FAM83F: variants seen among roughly 807,000 people sequenced by gnomAD.
FAM83F encodes protein FAM83F.
A neutral mutation model predicts 42.9 loss-of-function variants in FAM83F; 45 were observed. That is an observed-to-expected ratio of 1.05 (90% CI 0.83 to 1.35). The LOEUF is 1.35. FAM83F is among the 40% of genes most tolerant of loss of function. The pLI is 0.00. For synonymous variants in FAM83F, 306 were observed against 298.3 expected (o/e 1.03, Z -0.27); for missense variants, 617 against 695.9 (o/e 0.89, Z 1.28).
At chr22:40,029,008 A>AG (rs1189218920) in intron 4 of FAM83F, among the ~76,000 whole-genome samples, 2 of 150,810 alleles carry the variant, frequency 1.3e-5, no homozygotes, top group African/African-American at 4.9e-5. Context: ...ACCAGAGAGA[A>AG]GGACCGCAGT....
Position 40,039,159 on chromosome 22 carries a change from T to C in FAM83F, c.*9594T>C, listed in dbSNP as rs1449344445. ...TCTCCCTTTGTTGCCCAGGCTTGAG[T>C]GCAGTGGCGCGATCTCAGCTCACTG... On this transcript the variant is annotated 3_prime_UTR_variant, in exon 5 of 5. Coordinates refer to ENST00000333407, the MANE Select transcript of FAM83F (RefSeq NM_138435.4). The C allele has an allele frequency of 1.3e-5, 2 of 152,214 alleles. No individual in the cohort carries two copies. The highest frequency in any genetic ancestry group is 4.8e-5 in the African/African-American group (2 of 41,426). 9.4% of individuals were successfully genotyped at this position (152,214 alleles called of 1,614,324 possible).
intron 1 of FAM83F, among the ~76,000 whole-genome samples, chr22:40,012,557 G>A (rs1417210631): frequency 6.6e-6 from 1 of 150,734 alleles, no homozygotes; most frequent in Non-Finnish European, 1.5e-5. Context: ...ATCACTTGAG[G>A]TCAGGAGTTT....
chr22:40,003,893 G>A (rs180917379), intron 1 of FAM83F, among the ~76,000 whole-genome samples: 19 of 152,266 alleles, frequency 1.2e-4, no homozygotes, highest in South Asian at 8.3e-4. Flanking sequence ...CTCCGGATAA[G>A]TGTTATTTTA....
chr22:40,005,758 G>C (rs752761638), intron 1 of FAM83F, among the ~76,000 whole-genome samples: 2 of 152,244 alleles, frequency 1.3e-5, no homozygotes, highest in Non-Finnish European at 2.9e-5. Flanking sequence ...GGGAGAGGAA[G>C]CGGCCTGGCT....
rs1053363927 is a variant in FAM83F at position 40,036,542 on chromosome 22, A to G, written c.*6977A>G. ...AGTTTGTTTGGAGAATCTTTTGTAT[A>G]CAAAATACAAATAAAACCTAAATCA... On this transcript the variant is annotated 3_prime_UTR_variant, in exon 5 of 5. Transcript: ENST00000333407. The G allele has an allele frequency of 2.0e-5, 3 of 152,242 alleles. No individual in the cohort carries two copies. Among genetic ancestry groups the G allele is most frequent in the Admixed American group, 2.0e-4 (3 of 15,290 alleles). 9.4% of individuals were successfully genotyped at this position (152,242 alleles called of 1,614,324 possible).
rs374190840 is a variant in FAM83F at position 40,022,416 on chromosome 22, C to T, written c.1453+453C>T. Among the ~76,000 whole-genome samples, 6 of 152,294 alleles carry T rather than the reference C, an allele frequency of 3.9e-5. No individual in the cohort carries two copies. The East Asian group carries it at 9.7e-4, about 25-fold the overall frequency. On this transcript the variant is annotated intron_variant, in intron 4 of 4. Transcript: ENST00000333407. ...TGAGTTGAGGGCTCTTTCTAGCAAA[C>T]CTTTTCCCTTGCCAGATCACCTATT... is the stretch of plus-strand genomic sequence containing the variant.
At position 40,021,513 on chromosome 22, in the gene FAM83F, C is replaced by T. The variant is rs1215480108; in HGVS notation, c.1003C>T (p.His335Tyr). The T allele has an allele frequency of 6.3e-7, 1 of 1,577,834 alleles. No homozygotes were observed. Among genetic ancestry groups the T allele is most frequent in the Non-Finnish European group, 8.6e-7 (1 of 1,156,340 alleles). The change falls in exon 4 of 5, where the codon CAC becomes TAC. Residue 335 changes from histidine to tyrosine, a missense_variant. Transcript: ENST00000333407. The surrounding 1 kb of genome is among the most constrained non-coding windows in gnomAD (Gnocchi z 8.7). ...GTACGCCTTGGTGTCAGGCTGCCGC[C>T]ACCCGCCTGGGGAGATGATGCGCTG... ...PKYALVSGCR[H>Y]PPGEMMRWAA...
Position 39,995,385 on chromosome 22 carries a change from G to T in FAM83F, c.343G>T (p.Glu115Ter), listed in dbSNP as rs1013072222. Residue 115 changes from glutamate to a stop codon, truncating the protein, a stop_gained, in exon 1 of 5, where the codon GAG (glutamate) becomes TAG (stop). Coordinates refer to ENST00000333407, the MANE Select transcript of FAM83F (RefSeq NM_138435.4). LOFTEE classifies it high-confidence loss of function. The surrounding 1 kb of genome is among the most constrained non-coding windows in gnomAD (Gnocchi z 4.6). The part of the protein sequence containing the change: ...LAYWPDRSDT[E>*]VPPLDLGWTD... ...CTACTGGCCCGACCGTTCCGACACC[G>T]AGGTGCCTCCTCTGGACCTGGGCTG... 7.8e-6 allele frequency: 12 copies of T among 1,547,078 alleles called. No individual in the cohort carries two copies. The African/African-American group carries it at 1.2e-4, about 16-fold the overall frequency.
chr22:40,011,543 G>C (rs1211142357), intron 1 of FAM83F, among the ~76,000 whole-genome samples: 4 of 152,110 alleles, frequency 2.6e-5, no homozygotes, highest in African/African-American at 4.8e-5. Context: ...AACACTCCAA[G>C]GTGTCCAGCT....
intron 1 of FAM83F, among the ~76,000 whole-genome samples, chr22:40,005,443 C>T (rs940294730): frequency 3.3e-5 from 5 of 152,206 alleles, no homozygotes; most frequent in South Asian, 4.1e-4. Flanking sequence ...AGAAGCTTGC[C>T]GTGGGGCAGG....
rs1304616900 is a variant in FAM83F, at chr22:40,036,204, T to C, written c.*6639T>C. 6.6e-6 allele frequency: 1 copy of C among 152,234 alleles called. No individual in the cohort carries two copies. Among genetic ancestry groups the C allele is most frequent in the Non-Finnish European group, 1.5e-5 (1 of 68,010 alleles). 9.4% of individuals were successfully genotyped at this position (152,234 alleles called of 1,614,324 possible). A position where few individuals can be genotyped will look rare whatever the true frequency, so the allele number is the denominator to read the frequency against. ...AACGCTCCTGCCCTAATTTTCAATA[T>C]TTTTTTGTAGAGATAGGATCTCACT... On this transcript the variant is annotated 3_prime_UTR_variant, in exon 5 of 5. Coordinates refer to ENST00000333407, the MANE Select transcript of FAM83F (RefSeq NM_138435.4).
chr22:40,011,710 C>G (rs538336485), intron 1 of FAM83F, among the ~76,000 whole-genome samples: 8 of 152,352 alleles, frequency 5.3e-5, no homozygotes, highest in African/African-American at 1.9e-4. Flanking sequence ...TTACTTCTGT[C>G]TGCTGTAAAA....
Position 39,995,659 on chromosome 22 carries a change from G to C in FAM83F, c.489+128G>C, listed in dbSNP as rs2067370991. 7.2e-7 allele frequency: 1 copy of C among 1,393,710 alleles called. No individual in the cohort carries two copies. Among genetic ancestry groups the C allele is most frequent in the East Asian group, 2.5e-5 (1 of 39,710 alleles). The allele number at this position is 1,393,710 out of a possible 1,614,324, so 86.3% of individuals were successfully genotyped here. On this transcript the variant is annotated intron_variant, in intron 1 of 4. Coordinates refer to ENST00000333407, the MANE Select transcript of FAM83F (RefSeq NM_138435.4). This position sits in a 1 kb window ranked among gnomAD's most constrained non-coding sequence, Gnocchi z 4.6. ...CCCTCTGGAAAATGGGCCCCAACCC[G>C]CCCCTACTTCCTGGGGCTGCAGTGA...
At position 40,021,211 on chromosome 22, in the gene FAM83F, AG is replaced by A. The variant is rs2067517938; in HGVS notation, c.780-75del. ...TGCAGCAAGGGTCTGGCCACAGCGG[AG>A]GGGCAGGTGGGGGCGGGGGCAGGGC... On this transcript the variant is annotated intron_variant, in intron 3 of 4. Coordinates refer to ENST00000333407, the MANE Select transcript of FAM83F (RefSeq NM_138435.4). This position sits in a 1 kb window ranked among gnomAD's most constrained non-coding sequence, Gnocchi z 8.7. The A allele has an allele frequency of 2.1e-6, 3 of 1,446,656 alleles. No homozygotes were observed. In the East Asian group the frequency reaches 7.0e-5, roughly 34 times the overall value. 89.6% of individuals were successfully genotyped at this position (1,446,656 alleles called of 1,614,324 possible). A position where few individuals can be genotyped will look rare whatever the true frequency, so the allele number is the denominator to read the frequency against.
chr22:39,998,891 C>T (rs2067383754), intron 1 of FAM83F: 1 of 152,170 alleles, frequency 6.6e-6, no homozygotes, highest in African/African-American at 2.4e-5. Flanking sequence ...ATGGGCTGCT[C>T]AGGTCATCGT....
At position 40,034,399 on chromosome 22, in the gene FAM83F, A is replaced by T. The variant is rs1160033240; in HGVS notation, c.*4834A>T. 6.6e-6 allele frequency: 1 copy of T among 152,390 alleles called. No homozygotes were observed. The highest frequency in any genetic ancestry group is 6.5e-5 in the Admixed American group (1 of 15,284). The allele number at this position is 152,390 out of a possible 1,614,324, so 9.4% of individuals were successfully genotyped here. A position where few individuals can be genotyped will look rare whatever the true frequency, so the allele number is the denominator to read the frequency against. ...GGCAAGAAGGGCAGGCACAGCCGTG[A>T]GTATGTTCTGGGGCTAAGTAACCAT... On this transcript the variant is annotated 3_prime_UTR_variant, in exon 5 of 5. Transcript: ENST00000333407.
chr22:39,995,578 T>C lies in FAM83F; in HGVS notation c.489+47T>C. The C allele has an allele frequency of 6.7e-7, 1 of 1,483,498 alleles. No individual in the cohort carries two copies. The allele number at this position is 1,483,498 out of a possible 1,614,324, so 91.9% of individuals were successfully genotyped here. A position where few individuals can be genotyped will look rare whatever the true frequency, so the allele number is the denominator to read the frequency against. ...CACACCGCTGGGACCTCGGCCCCAG[T>C]CCCCTGGACCGGGCCCCACCTCCCA... On this transcript the variant is annotated intron_variant, in intron 1 of 4. Transcript: ENST00000333407. The surrounding 1 kb of genome is among the most constrained non-coding windows in gnomAD (Gnocchi z 4.6).
rs763459853 is a variant in FAM83F at position 40,021,953 on chromosome 22, T to C, written c.1443T>C (p.Ala481=). ...AGAGGCCCAACGAGAATTCCAGTGC[T>C]GACATCTCAGGTGAGCCCTCTTCCC... is the stretch of plus-strand genomic sequence containing the variant. ...TGKRPNENSS[A]DISGKTSPSS... Residue 481 remains alanine, a synonymous_variant, in exon 4 of 5, where the codon GCT becomes GCC. Transcript: ENST00000333407. The surrounding 1 kb of genome is among the most constrained non-coding windows in gnomAD (Gnocchi z 8.7). The C allele has an allele frequency of 1.3e-6, 2 of 1,559,066 alleles. No homozygotes were observed. Among genetic ancestry groups the C allele is most frequent in the Non-Finnish European group, 1.7e-6 (2 of 1,151,762 alleles).
intron 1 of FAM83F, among the ~76,000 whole-genome samples, chr22:40,004,257 G>A (rs58497013): frequency 7.4e-5 from 8 of 107,486 alleles, no homozygotes; most frequent in African/African-American, 2.5e-4. Flanking sequence ...GCAAATGCCA[G>A]CCCTTTTAGA....
Sources: allele counts gnomAD v4.1 joint callset (sites outside exome capture counted in the v4.1 genomes callset), GRCh38; gene constraint gnomAD v4.1.1; non-coding constraint Gnocchi (gnomAD v3.1); transcripts MANE v1.5; gene names NCBI Gene and HGNC (gene_info 2026-07-23, HGNC 2026-07-21).